KLHL13: variants seen among roughly 807,000 people sequenced by gnomAD.
KLHL13 encodes the protein kelch like family member 13.
Under a neutral mutation model 37.1 loss-of-function variants are expected in KLHL13, and 10 were observed. That is an observed-to-expected ratio of 0.27 (90% CI 0.17 to 0.46). The LOEUF is 0.46. Ranked by LOEUF, KLHL13 falls within the 20% of genes least tolerant of loss-of-function variation. KLHL13 has a pLI of 1.00. For missense variants in KLHL13, 360 were observed against 509.3 expected (o/e 0.71, Z 2.82); for synonymous variants, 163 against 181.2 (o/e 0.90, Z 0.81).
intron 1 of KLHL13, among the ~76,000 whole-genome samples, chrX:118,096,695 C>A (rs753854183): frequency 1.8e-5 from 2 of 111,568 alleles, no homozygotes; most frequent in South Asian, 7.6e-4. Context: ...TACTGGCAAA[C>A]CGAATCCAGC....
intron 5 of KLHL13, among the ~76,000 whole-genome samples, chrX:117,905,921 T>A (rs1052239989): frequency 9.0e-6 from 1 of 111,598 alleles, no homozygotes; most frequent in African/African-American, 3.3e-5. Flanking sequence ...ATTCTAACTA[T>A]TTTTGTACCC....
intron 1 of KLHL13, among the ~76,000 whole-genome samples, chrX:118,087,471 GTTAA>G (rs890986332): frequency 1.8e-5 from 2 of 108,499 alleles, no homozygotes; most frequent in African/African-American, 6.7e-5. Context: ...TTTATCTTAG[GTTAA>G]TTAAATTATG....
chrX:118,011,622 C>T (rs1408275983), intron 1 of KLHL13, among the ~76,000 whole-genome samples: 2 of 111,105 alleles, frequency 1.8e-5, no homozygotes, highest in Non-Finnish European at 1.9e-5. Flanking sequence ...GACTTAGAGA[C>T]TAACTGAGTG....
At chrX:117,966,095 G>A (rs1479338050) in intron 1 of KLHL13, among the ~76,000 whole-genome samples, 1 of 111,502 alleles carries the variant, frequency 9.0e-6, no homozygotes, top group Non-Finnish European at 1.9e-5. Flanking sequence ...TATTCAATTA[G>A]GAAAAGAGGA....
At chrX:117,965,193 C>G (rs2053398961) in intron 1 of KLHL13, among the ~76,000 whole-genome samples, 1 of 111,642 alleles carries the variant, frequency 9.0e-6, no homozygotes, top group African/African-American at 3.3e-5. Flanking sequence ...AACTAGTTTA[C>G]AGTCCCACCA....
exon 1 of KLHL13, chrX:117,973,481 C>T (rs2053556779): frequency 1.1e-6 from 1 of 925,084 alleles, no homozygotes; most frequent in African/African-American, 2.1e-5. Flanking sequence ...TCAAGAATGC[C>T]ATTATGGGAA....
At chrX:118,057,602 C>T (rs922120892) in intron 1 of KLHL13, among the ~76,000 whole-genome samples, 9 of 111,494 alleles carry the variant, frequency 8.1e-5, no homozygotes, top group Middle Eastern at 4.6e-3. Flanking sequence ...GGGTGGATCA[C>T]GAGGTCAGAA....
At chrX:118,096,922 C>T (rs1366680599) in intron 1 of KLHL13, among the ~76,000 whole-genome samples, 2 of 111,208 alleles carry the variant, frequency 1.8e-5, no homozygotes, top group Non-Finnish European at 1.9e-5. Context: ...ATTGATGGGA[C>T]GTATCTCAAA....
intron 3 of KLHL13, 28 bp downstream of exon 4, chrX:117,920,209 TG>T: frequency 2.5e-6 from 3 of 1,184,227 alleles, no homozygotes; most frequent in Non-Finnish European, 3.4e-6. Flanking sequence ...TGTTTTAATG[TG>T]GTTTCAGAGT....
intron 1 of KLHL13, among the ~76,000 whole-genome samples, chrX:117,985,690 A>G (rs1222347076): frequency 1.8e-5 from 2 of 110,671 alleles, no homozygotes; most frequent in African/African-American, 6.5e-5. Context: ...AAACATGCTT[A>G]CCTGAAAGTA....
chrX:118,041,628 TTTGA>T (rs1046760782), intron 1 of KLHL13, among the ~76,000 whole-genome samples: 2 of 111,904 alleles, frequency 1.8e-5, no homozygotes, highest in Admixed American at 9.5e-5. Flanking sequence ...TGCTTATTTG[TTTGA>T]TTATTTACAC....
intron 2 of KLHL13, among the ~76,000 whole-genome samples, chrX:117,935,732 C>G (rs993525115): frequency 4.5e-5 from 5 of 110,965 alleles, no homozygotes; most frequent in Non-Finnish European, 7.6e-5. Context: ...CCTCATGATC[C>G]AATTGCCTCC....
At chrX:117,965,383 C>T (rs1236971703) in intron 1 of KLHL13, among the ~76,000 whole-genome samples, 5 of 111,941 alleles carry the variant, frequency 4.5e-5, no homozygotes, top group Non-Finnish European at 5.6e-5. Context: ...GCATAAATGT[C>T]TTCTTTTGAG....
At chrX:117,910,781 G>T (rs915863362) in intron 4 of KLHL13, among the ~76,000 whole-genome samples, 3 of 111,546 alleles carry the variant, frequency 2.7e-5, no homozygotes, top group African/African-American at 9.8e-5. Context: ...TCATGTAAAT[G>T]AGATTTTGGT....
chrX:118,094,640 G>C (rs1203079204), intron 1 of KLHL13, among the ~76,000 whole-genome samples: 1 of 110,241 alleles, frequency 9.1e-6, no homozygotes, highest in Non-Finnish European at 1.9e-5. Context: ...CAGCCAGAGA[G>C]AAAGGTCGGG....
At chrX:118,092,192 C>G (rs1295844313) in intron 1 of KLHL13, among the ~76,000 whole-genome samples, 1 of 111,458 alleles carries the variant, frequency 9.0e-6, no homozygotes, top group Non-Finnish European at 1.9e-5. Flanking sequence ...CCACCTGTTC[C>G]TCAAAAACAT....
chrX:117,946,918 G>A (rs979098070), intron 1 of KLHL13: 1 of 111,329 alleles, frequency 9.0e-6, no homozygotes, highest in African/African-American at 3.3e-5. Context: ...CTGGCCTTAA[G>A]GATGACATCA....
chrX:117,968,232 T>C (rs1157181475), intron 1 of KLHL13, among the ~76,000 whole-genome samples: 2 of 111,564 alleles, frequency 1.8e-5, no homozygotes, highest in Non-Finnish European at 3.8e-5. Flanking sequence ...AAGGAACTGA[T>C]TTTGCTCAAT....
chrX:118,001,445 T>C (rs1182014214), intron 1 of KLHL13, among the ~76,000 whole-genome samples: 2 of 112,140 alleles, frequency 1.8e-5, no homozygotes, highest in Non-Finnish European at 3.8e-5. Flanking sequence ...AGAAAGTACC[T>C]ACAACTCTAA....
Sources: gnomAD v4.1 joint callset for allele counts (sites outside exome capture counted in the v4.1 genomes callset) on GRCh38, gnomAD v4.1.1 for gene constraint, MANE v1.5 for transcripts, NCBI Gene and HGNC (gene_info 2026-07-23, HGNC 2026-07-21) for gene names.